Variants in SMURF2 observed in about 807,000 individuals in gnomAD.
SMURF2 encodes the protein E3 ubiquitin-protein ligase SMURF2.
SMURF2 carries 48 observed loss-of-function variants against 109.6 expected under a neutral mutation model. That is an observed-to-expected ratio of 0.44 (90% confidence interval 0.35 to 0.56). The LOEUF (loss-of-function observed/expected upper bound fraction) is 0.56, where lower values mean the gene tolerates loss of function less well. Ranked by LOEUF, SMURF2 falls within the 20% of genes least tolerant of loss-of-function variation. SMURF2 has a pLI of 0.01. For synonymous variants in SMURF2, 288 were observed against 317.1 expected (o/e 0.91, Z 0.97); for missense variants, 575 against 909.0 (o/e 0.63, Z 4.72).
chr17:64,546,146 T>C lies in SMURF2; in HGVS notation c.2147+117A>G, dbSNP rs368605254. 8 of 1,066,716 alleles carry C rather than the reference T, an allele frequency of 7.5e-6. No individual in the cohort carries two copies. The African/African-American group carries it at 8.0e-5, about 11-fold the overall frequency. The allele number at this position is 1,066,716 out of a possible 1,614,324, so 66.1% of individuals were successfully genotyped here. On this transcript the variant is annotated intron_variant, in intron 18 of 18. Coordinates refer to ENST00000262435, the MANE Select transcript of SMURF2 (RefSeq NM_022739.4). ...ACTTTTAAATCACTTAAGTTGCTTA[T>C]CATTCCCTTTAAAGGCCCATTTAAC...
In SMURF2 at chr17:64,580,856, T is replaced by C. The variant is rs782683748; in HGVS notation, c.705A>G (p.Ser235=). The change falls in exon 8 of 19, where the codon TCA becomes TCG. Residue 235 remains serine, a synonymous_variant. Coordinates refer to ENST00000262435, the MANE Select transcript of SMURF2 (RefSeq NM_022739.4). ...DPRLAERRVR[S]QRHRNYMSRT... is the part of the protein sequence containing the mutation. ...TGCTCATGTAATTTCTATGTCGTTG[T>C]GACCTGACTCTCCTCTCTGCCAGCC... The C allele has an allele frequency of 6.2e-7, 1 of 1,614,204 alleles. No individual in the cohort carries two copies. The highest frequency in any genetic ancestry group is 8.5e-7 in the Non-Finnish European group (1 of 1,180,032).
At chr17:64,637,923 CAAAAAA>C (rs59701513) in intron 1 of SMURF2, among the ~76,000 whole-genome samples, 7 of 72,560 alleles carry the variant, frequency 9.6e-5, no homozygotes, top group African/African-American at 2.5e-4. Context: ...GCGCCCTAGT[CAAAAAA>C]AAAAAAAAAA....
Position 64,562,676 on chromosome 17 carries a change from C to A in SMURF2, c.1212+95G>T, listed in dbSNP as rs564082164. 2.7e-5 allele frequency: 35 copies of A among 1,287,582 alleles called. 1 individual carries two copies. In the East Asian group the frequency reaches 7.9e-4, roughly 29 times the overall value. The allele number at this position is 1,287,582 out of a possible 1,614,324, so 79.8% of individuals were successfully genotyped here. A position where few individuals can be genotyped will look rare whatever the true frequency, so the allele number is the denominator to read the frequency against. On this transcript the variant is annotated intron_variant, in intron 11 of 18. Transcript: ENST00000262435. ...TACAGGCGTGAGCCACCGCACCCGGCCAATTTCTCTCTAATTTAAAATAAG... is the reference window on the plus strand; with the variant it reads ...TACAGGCGTGAGCCACCGCACCCGGACAATTTCTCTCTAATTTAAAATAAG...
At chr17:64,642,240 T>C (rs1317975709) in intron 1 of SMURF2, among the ~76,000 whole-genome samples, 1 of 152,216 alleles carries the variant, frequency 6.6e-6, no homozygotes, top group East Asian at 1.9e-4. Context: ...CTTCCAAGTA[T>C]CTAAGGGATC....
chr17:64,570,031 A>G (rs1288409787), intron 10 of SMURF2, among the ~76,000 whole-genome samples: 2 of 152,240 alleles, frequency 1.3e-5, no homozygotes, highest in Non-Finnish European at 2.9e-5. Context: ...TCTACAATAA[A>G]GTAAGATCTG....
In SMURF2 at chr17:64,598,469, T is replaced by G. The variant is rs1969847911; in HGVS notation, c.113A>C (p.Lys38Thr). Residue 38 changes from lysine (K) to threonine (T), a missense_variant, in exon 3 of 19, where the codon AAG (lysine) becomes ACG (threonine). Transcript: ENST00000262435. ...TTGCCCAGATCCATCAACCACCACC[T>G]TAGCAAATGGATCAGGAAGTCCTGT... ...DFFRLPDPFAKVVVDGSGQCH... is the reference protein window; with the variant it reads ...DFFRLPDPFATVVVDGSGQCH... The G allele has an allele frequency of 6.2e-7, 1 of 1,607,842 alleles. No homozygotes were observed. Among genetic ancestry groups the G allele is most frequent in the African/African-American group, 1.3e-5 (1 of 74,782 alleles).
chr17:64,560,277 C>T (rs1969193769), intron 12 of SMURF2, among the ~76,000 whole-genome samples: 1 of 151,988 alleles, frequency 6.6e-6, no homozygotes, highest in South Asian at 2.1e-4. Context: ...AATTATAGTA[C>T]TTAGATGCCA....
chr17:64,627,847 T>C (rs1970288046), intron 1 of SMURF2, among the ~76,000 whole-genome samples: 2 of 152,204 alleles, frequency 1.3e-5, no homozygotes, highest in African/African-American at 4.8e-5. Flanking sequence ...GCTTTTCTAA[T>C]ATGGAAAAGG....
intron 1 of SMURF2, among the ~76,000 whole-genome samples, chr17:64,646,247 G>A (rs1262453298): frequency 6.6e-6 from 1 of 151,606 alleles, no homozygotes; most frequent in Non-Finnish European, 1.5e-5. Context: ...TGTATTTTTG[G>A]TAGAGACAGA....
intron 1 of SMURF2, among the ~76,000 whole-genome samples, chr17:64,651,826 G>A (rs2144734785): frequency 1.3e-5 from 2 of 152,218 alleles, no homozygotes; most frequent in South Asian, 4.2e-4. Context: ...GAAGGCTGAG[G>A]CGGGAGGATC....
intron 1 of SMURF2, among the ~76,000 whole-genome samples, chr17:64,621,961 T>C (rs1598300585): frequency 7.1e-6 from 1 of 141,282 alleles, no homozygotes; most frequent in South Asian, 2.2e-4. Context: ...GCAATAATAA[T>C]AATAATAATA....
At chr17:64,580,515 A>G (rs753039178) in intron 8 of SMURF2, among the ~76,000 whole-genome samples, 4 of 152,202 alleles carry the variant, frequency 2.6e-5, no homozygotes, top group African/African-American at 4.8e-5. Flanking sequence ...TTCATTTCGT[A>G]TGCTTCTCAC....
At chr17:64,625,303 G>A (rs1436510194) in intron 1 of SMURF2, among the ~76,000 whole-genome samples, 7 of 152,162 alleles carry the variant, frequency 4.6e-5, no homozygotes, top group Non-Finnish European at 8.8e-5. Context: ...AATCTGCAGT[G>A]CTTACCAAAG....
intron 1 of SMURF2, among the ~76,000 whole-genome samples, chr17:64,648,779 AAC>A (rs376328927): frequency 7.9e-5 from 12 of 151,672 alleles, no homozygotes; most frequent in South Asian, 4.2e-4. Context: ...CAAAAAACAA[AAC>A]ACACACACAC....
At chr17:64,625,597 T>C (rs1568200436) in intron 1 of SMURF2, among the ~76,000 whole-genome samples, 1 of 152,300 alleles carries the variant, frequency 6.6e-6, no homozygotes, top group East Asian at 1.9e-4. Context: ...GGTTGGTGTA[T>C]GTCTACTCTA....
At chr17:64,659,214 G>C (rs1324453283) in intron 1 of SMURF2, among the ~76,000 whole-genome samples, 1 of 152,104 alleles carries the variant, frequency 6.6e-6, no homozygotes, top group Non-Finnish European at 1.5e-5. Context: ...ATACCTTTCA[G>C]CAAAGGGGCA....
intron 1 of SMURF2, among the ~76,000 whole-genome samples, chr17:64,630,268 G>C (rs1970320929): frequency 1.3e-5 from 2 of 152,154 alleles, no homozygotes; most frequent in South Asian, 4.2e-4. Flanking sequence ...TACAAATTAA[G>C]TGGTTAGCAA....
intron 1 of SMURF2, among the ~76,000 whole-genome samples, chr17:64,619,200 C>T (rs879998162): frequency 2.0e-5 from 3 of 152,072 alleles, no homozygotes; most frequent in South Asian, 2.1e-4. Flanking sequence ...AGAACATGGC[C>T]GGGCACGGTG....
chr17:64,591,668 T>C (rs1308621439), intron 4 of SMURF2, among the ~76,000 whole-genome samples: 1 of 152,216 alleles, frequency 6.6e-6, no homozygotes, highest in Non-Finnish European at 1.5e-5. Flanking sequence ...AGATGCCTCA[T>C]CTGTAAAAGA....
Sources: gnomAD v4.1 joint callset for allele counts (sites outside exome capture counted in the v4.1 genomes callset) on GRCh38, gnomAD v4.1.1 for gene constraint, MANE v1.5 for transcripts, NCBI Gene and HGNC (gene_info 2026-07-23, HGNC 2026-07-21) for gene names.